HS6ST3: variants seen among roughly 807,000 people sequenced by gnomAD.
The protein encoded by HS6ST3 is heparan sulfate 6-O-sulfotransferase 3.
Under a neutral mutation model 36.7 loss-of-function variants are expected in HS6ST3, and 12 were observed. That is an observed-to-expected ratio of 0.33 (90% CI 0.21 to 0.53). The LOEUF (loss-of-function observed/expected upper bound fraction) is 0.53, where lower values mean the gene tolerates loss of function less well. Among genes scored for constraint, HS6ST3 ranks in the 20% least tolerant of loss-of-function variants. HS6ST3 has a pLI of 0.95. For synonymous variants in HS6ST3, 240 were observed against 257.5 expected (o/e 0.93, Z 0.65); for missense variants, 584 against 640.9 (o/e 0.91, Z 0.96).
At chr13:96,529,220 A>ATTC (rs2056126281) in intron 1 of HS6ST3, among the ~76,000 whole-genome samples, 1 of 152,150 alleles carries the variant, frequency 6.6e-6, no homozygotes, top group Non-Finnish European at 1.5e-5. Flanking sequence ...AGTATAATGG[A>ATTC]ATAGCATAGT....
intron 1 of HS6ST3, among the ~76,000 whole-genome samples, chr13:96,337,082 A>G (rs2055105355): frequency 6.6e-6 from 1 of 152,038 alleles, no homozygotes; most frequent in Non-Finnish European, 1.5e-5. Flanking sequence ...TTGTTTTGAG[A>G]TGGAGTCTCA....
chr13:96,261,259 A>T (rs1231961724), intron 1 of HS6ST3, among the ~76,000 whole-genome samples: 1 of 149,684 alleles, frequency 6.7e-6, no homozygotes, highest in Non-Finnish European at 1.5e-5. Flanking sequence ...TAAAGTCATG[A>T]ATATATATAT....
At chr13:96,429,063 A>C (rs1326143282) in intron 1 of HS6ST3, among the ~76,000 whole-genome samples, 1 of 152,202 alleles carries the variant, frequency 6.6e-6, no homozygotes, top group Non-Finnish European at 1.5e-5. Context: ...TTTTTTTCAA[A>C]GAAACATTGA....
At chr13:96,500,810 T>C (rs565977559) in intron 1 of HS6ST3, among the ~76,000 whole-genome samples, 23 of 152,328 alleles carry the variant, frequency 1.5e-4, no homozygotes, top group African/African-American at 4.6e-4. Context: ...CAGATCAATA[T>C]GAAATCAATT....
chr13:96,333,491 TCTC>T (rs1196209676), intron 1 of HS6ST3, among the ~76,000 whole-genome samples: 1 of 152,148 alleles, frequency 6.6e-6, no homozygotes, highest in African/African-American at 2.4e-5. Context: ...GCTGAGTCTC[TCTC>T]CTCTCTTTTT....
Position 96,091,163 on chromosome 13 carries a change from G to A in HS6ST3, c.301G>A (p.Gly101Arg). Reference protein sequence around the residue: ...EDEEPGDPREGEEEEEEDEPD... With the variant: ...EDEEPGDPREREEEEEEDEPD... Reference sequence around the variant, plus strand: ...CGAGGAGCCCGGAGACCCCCGGGAGGGGGAGGAAGAGGAGGAGGAAGACGA... The same window carrying A: ...CGAGGAGCCCGGAGACCCCCGGGAGAGGGAGGAAGAGGAGGAGGAAGACGA... Residue 101 changes from glycine to arginine, a missense_variant, in exon 1 of 2, where the codon GGG becomes AGG. Coordinates refer to ENST00000376705, the MANE Select transcript of HS6ST3 (RefSeq NM_153456.4). The A allele has an allele frequency of 1.3e-6, 2 of 1,544,678 alleles. No individual in the cohort carries two copies. The highest frequency in any genetic ancestry group is 1.4e-5 in the African/African-American group (1 of 72,956).
intron 1 of HS6ST3, among the ~76,000 whole-genome samples, chr13:96,595,642 A>G (rs774176624): frequency 1.3e-5 from 2 of 151,600 alleles, no homozygotes; most frequent in African/African-American, 2.4e-5. Context: ...TTATCTTTCT[A>G]TTCTCCCTCT....
chr13:96,488,313 G>T (rs1287382253), intron 1 of HS6ST3, among the ~76,000 whole-genome samples: 1 of 152,124 alleles, frequency 6.6e-6, no homozygotes, highest in Non-Finnish European at 1.5e-5. Context: ...ACTTTAATAG[G>T]CTGAGAATAT....
chr13:96,306,159 AG>A (rs2054912181), intron 1 of HS6ST3, among the ~76,000 whole-genome samples: 1 of 146,418 alleles, frequency 6.8e-6, no homozygotes, highest in African/African-American at 2.6e-5. Flanking sequence ...GCTGTAGTAC[AG>A]TGGCGTGATC....
chr13:96,733,010 G>T (rs1023085810), intron 1 of HS6ST3, among the ~76,000 whole-genome samples: 1 of 152,084 alleles, frequency 6.6e-6, no homozygotes, highest in Non-Finnish European at 1.5e-5. Flanking sequence ...TACTAAATTT[G>T]TTTATTATTT....
chr13:96,722,893 C>G (rs912493646), intron 1 of HS6ST3, among the ~76,000 whole-genome samples: 3 of 152,104 alleles, frequency 2.0e-5, no homozygotes, highest in Non-Finnish European at 2.9e-5. Context: ...GGGAAGATTG[C>G]TTGAGCCCGA....
intron 1 of HS6ST3, among the ~76,000 whole-genome samples, chr13:96,212,172 G>T (rs547139745): frequency 6.6e-6 from 1 of 152,312 alleles, no homozygotes; most frequent in South Asian, 2.1e-4. Context: ...TGGTGAGAGA[G>T]GAATTGAATT....
intron 1 of HS6ST3, among the ~76,000 whole-genome samples, chr13:96,284,963 CTTTCTT>C: frequency 7.1e-6 from 1 of 141,102 alleles, no homozygotes; most frequent in East Asian, 2.0e-4. Context: ...TTCTTTCTTT[CTTTCTT>C]TCTTTCTTGA....
chr13:96,164,279 G>A lies in HS6ST3; in HGVS notation c.707+72710G>A, dbSNP rs184437205. 1.3e-3 allele frequency among the ~76,000 whole-genome samples: 200 copies of A among 152,238 alleles called. 1 individual carries two copies. The highest frequency in any genetic ancestry group is 4.7e-3 in the African/African-American group (197 of 41,536). On this transcript the variant is annotated intron_variant, in intron 1 of 1. Transcript: ENST00000376705. ...ATATCATGCATGGCTAGTGTTAAGC[G>A]TTTGCAGTAACATGCTGCTTTCAAG...
chr13:96,232,116 A>G (rs2054511318), intron 1 of HS6ST3, among the ~76,000 whole-genome samples: 2 of 152,178 alleles, frequency 1.3e-5, no homozygotes, highest in Non-Finnish European at 2.9e-5. Context: ...AGAGGGTGTT[A>G]AGGTGCAAGA....
intron 1 of HS6ST3, among the ~76,000 whole-genome samples, chr13:96,658,475 G>A (rs1428855926): frequency 6.7e-6 from 1 of 150,138 alleles, no homozygotes; most frequent in Non-Finnish European, 1.5e-5. Flanking sequence ...TAGAGATGGG[G>A]TTTCACCATG....
intron 1 of HS6ST3, among the ~76,000 whole-genome samples, chr13:96,129,580 T>G (rs1480110011): frequency 3.3e-5 from 5 of 152,228 alleles, no homozygotes; most frequent in Non-Finnish European, 5.9e-5. Flanking sequence ...TTGGAGCTTA[T>G]CTTATCTTAA....
At chr13:96,513,253 G>T (rs1410067001) in intron 1 of HS6ST3, among the ~76,000 whole-genome samples, 1 of 151,010 alleles carries the variant, frequency 6.6e-6, no homozygotes, top group African/African-American at 2.4e-5. Context: ...TTTTGGCCTT[G>T]ATCTTTCTGT....
chr13:96,134,480 T>G (rs1209991543), intron 1 of HS6ST3, among the ~76,000 whole-genome samples: 2 of 152,110 alleles, frequency 1.3e-5, no homozygotes, highest in African/African-American at 4.8e-5. Flanking sequence ...CTATTTCCAT[T>G]TTAACAGTGT....
Sources: gnomAD v4.1 joint callset for allele counts (sites outside exome capture counted in the v4.1 genomes callset) on GRCh38, gnomAD v4.1.1 for gene constraint, MANE v1.5 for transcripts, NCBI Gene and HGNC (gene_info 2026-07-23, HGNC 2026-07-21) for gene names.